The following KCND2 variants were observed in gnomAD, a reference collection of about 807,000 sequenced individuals.
KCND2 encodes the protein potassium voltage-gated channel subfamily D member 2.
In KCND2, 16 loss-of-function variants were observed where a neutral mutation model predicts 54.4. The ratio of observed to expected loss-of-function variants is 0.29; its 90% CI spans 0.20 to 0.45. The LOEUF (loss-of-function observed/expected upper bound fraction) is 0.45. KCND2 is among the 20% of genes least tolerant of loss of function. The probability of loss-of-function intolerance (pLI) is 1.00; values close to 1 mark genes in which losing one functional copy is unlikely to be tolerated. For missense variants in KCND2, 486 were observed against 824.2 expected, an observed-to-expected ratio of 0.59 and a Z score of 5.02; for synonymous variants, 317 against 310.7, an observed-to-expected ratio of 1.02 and a Z score of -0.21.
chr7:120,482,192 T>C (rs922254025), intron 1 of KCND2, among the ~76,000 whole-genome samples: 6 of 152,212 alleles, frequency 3.9e-5, no homozygotes, highest in Admixed American at 3.9e-4. Context: ...TTAGACATAC[T>C]TGGGACCAGT....
chr7:120,558,714 GT>G (rs997226969), intron 1 of KCND2, among the ~76,000 whole-genome samples: 3 of 152,064 alleles, frequency 2.0e-5, no homozygotes, highest in Admixed American at 1.3e-4. Context: ...TGATGAATTT[GT>G]CCTTTATAGG....
At chr7:120,708,801 A>G (rs2116058130) in intron 1 of KCND2, among the ~76,000 whole-genome samples, 1 of 152,198 alleles carries the variant, frequency 6.6e-6, no homozygotes, top group African/African-American at 2.4e-5. Context: ...CATAGCACAT[A>G]TCATAATGTG....
intron 1 of KCND2, among the ~76,000 whole-genome samples, chr7:120,325,554 A>G (rs1008307362): frequency 4.3e-4 from 65 of 151,458 alleles, no homozygotes; most frequent in African/African-American, 8.2e-4. Flanking sequence ...ATCTATTGAG[A>G]TAATCATGTG....
At chr7:120,372,930 G>A (rs915240141) in intron 1 of KCND2, among the ~76,000 whole-genome samples, 5 of 151,854 alleles carry the variant, frequency 3.3e-5, no homozygotes, top group Non-Finnish European at 7.4e-5. Context: ...ACTGAAGTTA[G>A]TCTGTGAATT....
In KCND2 at chr7:120,577,672, G is replaced by A. The variant is rs184699215; in HGVS notation, c.1116-155231G>A. Among the ~76,000 whole-genome samples the A allele has an allele frequency of 6.6e-5, 10 of 152,240 alleles. No individual in the cohort carries two copies. In the East Asian group the frequency reaches 9.7e-4, roughly 15 times the overall value. Reference sequence around the variant, plus strand: ...GCAATCTCGGCTCACTGCAACCTCCGCCTCCGGGGTTCACACAATTCTCCT... The same window carrying A: ...GCAATCTCGGCTCACTGCAACCTCCACCTCCGGGGTTCACACAATTCTCCT... On this transcript the variant is annotated intron_variant, in intron 1 of 5. Transcript: ENST00000331113.
intron 1 of KCND2, among the ~76,000 whole-genome samples, chr7:120,630,684 A>C (rs1027248249): frequency 6.6e-6 from 1 of 152,206 alleles, no homozygotes; most frequent in Non-Finnish European, 1.5e-5. Flanking sequence ...CCAGACCATT[A>C]AAAGAATGAC....
At chr7:120,503,782 G>C (rs573434518) in intron 1 of KCND2, among the ~76,000 whole-genome samples, 1 of 151,984 alleles carries the variant, frequency 6.6e-6, no homozygotes, top group South Asian at 2.1e-4. Context: ...GAAGCCTGTG[G>C]CTTATTCAAT....
intron 1 of KCND2, among the ~76,000 whole-genome samples, chr7:120,692,288 G>A (rs1792279404): frequency 6.6e-6 from 1 of 152,176 alleles, no homozygotes; most frequent in Non-Finnish European, 1.5e-5. Context: ...AGATCATTAT[G>A]GCTGAATAAT....
chr7:120,718,426 C>A (rs1199824770), intron 1 of KCND2, among the ~76,000 whole-genome samples: 2 of 152,070 alleles, frequency 1.3e-5, no homozygotes, highest in African/African-American at 4.8e-5. Flanking sequence ...GGAAAAAAAT[C>A]ATGTTTCTTG....
intron 1 of KCND2, among the ~76,000 whole-genome samples, chr7:120,349,929 G>A (rs1800377411): frequency 6.6e-6 from 1 of 151,830 alleles, no homozygotes; most frequent in African/African-American, 2.4e-5. Flanking sequence ...AAGTTCCTTT[G>A]TGAATGCAAT....
At chr7:120,273,079 G>A (rs983864290), upstream of KCND2, among the ~76,000 whole-genome samples, 2 of 152,084 alleles carry the variant, frequency 1.3e-5, no homozygotes, top group Non-Finnish European at 1.5e-5. Context: ...GACATTTTGC[G>A]CCGGGGTTGG....
chr7:120,288,666 T>C (rs1356062968), intron 1 of KCND2, among the ~76,000 whole-genome samples: 1 of 152,104 alleles, frequency 6.6e-6, no homozygotes. Context: ...AAAAGGCTGA[T>C]TGAAGATTAA....
intron 1 of KCND2, among the ~76,000 whole-genome samples, chr7:120,648,974 G>A (rs954403206): frequency 6.6e-6 from 1 of 152,042 alleles, no homozygotes; most frequent in Non-Finnish European, 1.5e-5. Flanking sequence ...AATCACACTA[G>A]TAAAGTATTT....
chr7:120,671,178 C>T (rs144226232), intron 1 of KCND2, among the ~76,000 whole-genome samples: 75 of 152,080 alleles, frequency 4.9e-4, no homozygotes, highest in African/African-American at 1.1e-3. Context: ...TGCCATAGAT[C>T]GGGGTCCCCA....
At chr7:120,281,889 G>A (rs1345376887) in intron 1 of KCND2, among the ~76,000 whole-genome samples, 1 of 152,118 alleles carries the variant, frequency 6.6e-6, no homozygotes, top group Non-Finnish European at 1.5e-5. Flanking sequence ...AATGTTAAAA[G>A]TATTTACATT....
intron 1 of KCND2, among the ~76,000 whole-genome samples, chr7:120,466,172 C>G (rs1272854241): frequency 6.6e-6 from 1 of 152,148 alleles, no homozygotes; most frequent in East Asian, 1.9e-4. Context: ...AAAAACCACT[C>G]CTGGTTGAGA....
intron 1 of KCND2, among the ~76,000 whole-genome samples, chr7:120,724,838 C>T (rs776019297): frequency 1.3e-5 from 2 of 152,044 alleles, no homozygotes; most frequent in Non-Finnish European, 2.9e-5. Context: ...ATTTTCATAA[C>T]TTCTTTAAAA....
chr7:120,710,495 T>A (rs1792524049), intron 1 of KCND2, among the ~76,000 whole-genome samples: 1 of 152,196 alleles, frequency 6.6e-6, no homozygotes, highest in African/African-American at 2.4e-5. Context: ...TTTTGAAGAA[T>A]GAGACAATCA....
chr7:120,447,969 T>G (rs1454316500), intron 1 of KCND2, among the ~76,000 whole-genome samples: 3 of 152,190 alleles, frequency 2.0e-5, no homozygotes, highest in Non-Finnish European at 4.4e-5. Context: ...ATTCATGAAT[T>G]ATTAGTTTGA....
Sources: gnomAD v4.1 joint callset for allele counts (sites outside exome capture counted in the v4.1 genomes callset) on GRCh38, gnomAD v4.1.1 for gene constraint, MANE v1.5 for transcripts, NCBI Gene and HGNC (gene_info 2026-07-23, HGNC 2026-07-21) for gene names.